IGSF11: variants seen among roughly 807,000 people sequenced by gnomAD.
IGSF11 encodes CXADR like 1.
IGSF11 carries 22 observed loss-of-function variants against 41.0 expected under a neutral mutation model. That is an observed-to-expected ratio of 0.54 (90% CI 0.38 to 0.77). IGSF11 has a LOEUF of 0.77. Ranked by LOEUF, IGSF11 falls within the 30% of genes least tolerant of loss-of-function variation. The pLI, the probability that IGSF11 is intolerant of heterozygous loss-of-function variation, is 0.00. For synonymous variants in IGSF11, 219 were observed against 201.3 expected (o/e 1.09, Z -0.74); for missense variants, 444 against 530.8 (o/e 0.84, Z 1.61).
chr3:118,926,388 T>C, intron 3 of IGSF11, 132 bp from the exon 4 acceptor site: 1 of 684,316 alleles, frequency 1.5e-6, no homozygotes, highest in Non-Finnish European at 2.2e-6. Flanking sequence ...GGAGACAGAC[T>C]CACCGCCTGA....
chr3:118,928,368 G>A lies in IGSF11; in HGVS notation c.424+141C>T, dbSNP rs950303462. On this transcript the variant is annotated intron_variant, in intron 3 of 6. Coordinates refer to ENST00000393775, the MANE Select transcript of IGSF11 (RefSeq NM_001015887.3). ...GACTATCTGTAAGAAGCATGGAGAAGGAGAGAAGAGATGGAACTGAGAGAA... is the reference window on the plus strand; with the variant it reads ...GACTATCTGTAAGAAGCATGGAGAAAGAGAGAAGAGATGGAACTGAGAGAA... 3 of 638,926 alleles carry A rather than the reference G, an allele frequency of 4.7e-6. No individual in the cohort carries two copies. The East Asian group carries it at 8.3e-5, about 18-fold the overall frequency. The allele number at this position is 638,926 out of a possible 1,614,324, so 39.6% of individuals were successfully genotyped here. A position where few individuals can be genotyped will look rare whatever the true frequency, so the allele number is the denominator to read the frequency against.
chr3:119,143,317 AAC>A (rs1333269711), intron 1 of IGSF11, among the ~76,000 whole-genome samples: 1 of 152,212 alleles, frequency 6.6e-6, no homozygotes, highest in African/African-American at 2.4e-5. Context: ...TGACAACAAT[AAC>A]ACACAAAAAA....
At chr3:118,936,703 T>C (rs1457851480) in intron 1 of IGSF11, among the ~76,000 whole-genome samples, 1 of 152,198 alleles carries the variant, frequency 6.6e-6, no homozygotes, top group Non-Finnish European at 1.5e-5. Context: ...ATATTTCCTC[T>C]GAGGAGTTAA....
At chr3:118,986,279 C>T (rs1332593384) in intron 1 of IGSF11, among the ~76,000 whole-genome samples, 2 of 152,178 alleles carry the variant, frequency 1.3e-5, no homozygotes, top group African/African-American at 4.8e-5. Context: ...AAGCACCCAT[C>T]GCACCCCATT....
At chr3:118,908,919 C>T (rs1230585462) in intron 4 of IGSF11, among the ~76,000 whole-genome samples, 1 of 152,120 alleles carries the variant, frequency 6.6e-6, no homozygotes, top group East Asian at 1.9e-4. Context: ...AGTGTGTTCC[C>T]TGTTCTTCAT....
At chr3:119,049,644 A>T (rs1481372960) in intron 1 of IGSF11, among the ~76,000 whole-genome samples, 4 of 152,144 alleles carry the variant, frequency 2.6e-5, no homozygotes, top group Non-Finnish European at 5.9e-5. Context: ...ATTGGAAAAA[A>T]CTACTTTAAA....
At chr3:118,928,383 A>C (rs1171833932) in intron 3 of IGSF11, 126 bp downstream of exon 3, 2 of 673,294 alleles carry the variant, frequency 3.0e-6, no homozygotes, top group Non-Finnish European at 5.2e-6. Context: ...GAAGAGATGG[A>C]ACTGAGAGAA....
chr3:119,054,606 A>G (rs956022052), intron 1 of IGSF11, among the ~76,000 whole-genome samples: 2 of 152,238 alleles, frequency 1.3e-5, no homozygotes, highest in Non-Finnish European at 2.9e-5. Flanking sequence ...TACAACCACT[A>G]TGGAAAACAG....
intron 1 of IGSF11, among the ~76,000 whole-genome samples, chr3:119,048,195 T>G (rs373887369): frequency 2.0e-5 from 3 of 152,024 alleles, no homozygotes; most frequent in African/African-American, 7.3e-5. Context: ...TTCAAAAAAT[T>G]AATGAATCCA....
In IGSF11 at chr3:119,087,952, A is replaced by T. The variant is rs190525166; in HGVS notation, c.49+17192T>A. Among the ~76,000 whole-genome samples, 179 of 152,278 alleles carry T rather than the reference A, an allele frequency of 1.2e-3. 2 individuals are homozygous for T. Among genetic ancestry groups the T allele is most frequent in the Non-Finnish European group, 8.8e-4 (60 of 68,024 alleles). On this transcript the variant is annotated intron_variant, in intron 1 of 6. Coordinates refer to the IGSF11 transcript ENST00000354673. The stretch of plus-strand genomic sequence containing the variant: ...ACAAGTTCTTCTTGGCATACAAAAG[A>T]CTTAGGCAACTATACAATAATCGTG...
chr3:118,971,230 C>T (rs1933377986), intron 1 of IGSF11, among the ~76,000 whole-genome samples: 1 of 152,192 alleles, frequency 6.6e-6, no homozygotes, highest in Non-Finnish European at 1.5e-5. Context: ...GACATTTTTA[C>T]ATACTACATT....
intron 1 of IGSF11, among the ~76,000 whole-genome samples, chr3:118,993,438 T>C (rs1161994263): frequency 6.6e-6 from 1 of 152,356 alleles, no homozygotes; most frequent in South Asian, 2.1e-4. Context: ...GCAGTCACTT[T>C]GGAAAACAGT....
At chr3:118,941,541 T>C (rs1162133846) in intron 1 of IGSF11, among the ~76,000 whole-genome samples, 4 of 152,310 alleles carry the variant, frequency 2.6e-5, no homozygotes, top group African/African-American at 9.6e-5. Context: ...AGTACAGTCA[T>C]TTGGAAACAT....
chr3:119,038,256 A>C (rs983125096), upstream of IGSF11, among the ~76,000 whole-genome samples: 1 of 152,200 alleles, frequency 6.6e-6, no homozygotes, highest in African/African-American at 2.4e-5. Flanking sequence ...ACATAAATAG[A>C]CCACTTAATA....
intron 1 of IGSF11, among the ~76,000 whole-genome samples, chr3:118,988,212 A>G (rs1935442444): frequency 6.6e-6 from 1 of 152,224 alleles, no homozygotes; most frequent in South Asian, 2.1e-4. Context: ...TAATATCCTA[A>G]TTGCTGGCAC....
chr3:119,111,129 T>G (rs987415042), intron 1 of IGSF11, among the ~76,000 whole-genome samples: 1 of 152,182 alleles, frequency 6.6e-6, no homozygotes, highest in African/African-American at 2.4e-5. Flanking sequence ...TGTATCTGAA[T>G]GTTGGCCTGC....
intron 6 of IGSF11, among the ~76,000 whole-genome samples, chr3:118,904,058 A>G (rs1238751993): frequency 6.6e-6 from 1 of 152,212 alleles, no homozygotes; most frequent in Non-Finnish European, 1.5e-5. Flanking sequence ...GGTATGTCTC[A>G]CTATGGAGAC....
intron 1 of IGSF11, among the ~76,000 whole-genome samples, chr3:119,100,162 A>G (rs1191993481): frequency 6.6e-6 from 1 of 152,216 alleles, no homozygotes; most frequent in Non-Finnish European, 1.5e-5. Flanking sequence ...AAAAGCATGG[A>G]TAAGGAGAAA....
At chr3:118,973,478 C>G (rs78225247) in intron 1 of IGSF11, among the ~76,000 whole-genome samples, 1 of 152,212 alleles carries the variant, frequency 6.6e-6, no homozygotes, top group South Asian at 2.1e-4. Context: ...CAACTCATTT[C>G]TCTAACCTGA....
Sources: gnomAD v4.1 joint callset for allele counts (sites outside exome capture counted in the v4.1 genomes callset) on GRCh38, gnomAD v4.1.1 for gene constraint, MANE v1.5 for transcripts, NCBI Gene and HGNC (gene_info 2026-07-23, HGNC 2026-07-21) for gene names.